The following HYCC1 variants were observed in gnomAD, a reference collection of about 807,000 sequenced individuals.
The protein encoded by HYCC1 is hyccin PI4KA lipid kinase complex subunit 1, also known as hyccin.
At chr7:22,947,362 C>A in the HYCC1 span, 1 of 743,628 alleles carries the variant, frequency 1.3e-6, no homozygotes, top group Non-Finnish European at 2.2e-6. Context: ...TGAATTAAGC[C>A]AAATATTTGC....
At chr7:22,971,794 C>T in the HYCC1 span, among the ~76,000 whole-genome samples, 1 of 151,716 alleles carries the variant, frequency 6.6e-6, no homozygotes, top group African/African-American at 2.4e-5. Flanking sequence ...TAGTAATGAG[C>T]ACTTTTCTGT....
the HYCC1 span, among the ~76,000 whole-genome samples, chr7:22,931,432 C>G: frequency 0.076 from 11,524 of 152,000 alleles, 633 homozygotes; most frequent in East Asian, 0.21. Flanking sequence ...CCATAGGAAA[C>G]TAATATAGAT....
At chr7:22,950,655 T>G in the HYCC1 span, among the ~76,000 whole-genome samples, 2 of 152,028 alleles carry the variant, frequency 1.3e-5, no homozygotes, top group South Asian at 4.2e-4. Context: ...GAAGGAGCCG[T>G]CTCTAAATGT....
chr7:22,903,832 A>G, the HYCC1 span, among the ~76,000 whole-genome samples: 1 of 152,206 alleles, frequency 6.6e-6, no homozygotes, highest in Admixed American at 6.5e-5. Flanking sequence ...ATTTTTTAAT[A>G]TCATAACCTG....
chr7:22,981,888 A>C, the HYCC1 span, among the ~76,000 whole-genome samples: 53,690 of 151,914 alleles, frequency 0.35, 9,533 homozygotes, highest in East Asian at 0.47. Flanking sequence ...TTTTTAAAAA[A>C]CTGGTCCATC....
chr7:22,913,615 G>A, the HYCC1 span, among the ~76,000 whole-genome samples: 2 of 152,268 alleles, frequency 1.3e-5, no homozygotes, highest in Non-Finnish European at 1.5e-5. Context: ...AGTCTCTGGA[G>A]CTCCCTTGTG....
the HYCC1 span, chr7:22,939,877 C>T: frequency 2.0e-5 from 3 of 152,176 alleles, no homozygotes; most frequent in African/African-American, 7.2e-5. Flanking sequence ...ATTTTAATTA[C>T]ACATATTAGC....
At chr7:22,992,629 G>T in the HYCC1 span, among the ~76,000 whole-genome samples, 1 of 151,844 alleles carries the variant, frequency 6.6e-6, no homozygotes, top group Admixed American at 6.6e-5. Flanking sequence ...AATTCTCTTT[G>T]TCTTACTGTT....
chr7:22,918,935 C>A, the HYCC1 span, among the ~76,000 whole-genome samples: 1 of 152,090 alleles, frequency 6.6e-6, no homozygotes, highest in Non-Finnish European at 1.5e-5. Context: ...GACAAGGAGA[C>A]AACAGATTTC....
the HYCC1 span, among the ~76,000 whole-genome samples, chr7:22,957,809 T>TA: frequency 1.3e-5 from 2 of 151,874 alleles, no homozygotes; most frequent in Non-Finnish European, 2.9e-5. Context: ...AAACTGAACT[T>TA]ACATTCTATA....
the HYCC1 span, among the ~76,000 whole-genome samples, chr7:22,920,622 A>G: frequency 6.6e-6 from 1 of 152,258 alleles, no homozygotes; most frequent in Non-Finnish European, 1.5e-5. Context: ...GACCAAAGGA[A>G]GTTCTTCAGG....
At chr7:22,919,095 G>A in the HYCC1 span, among the ~76,000 whole-genome samples, 1 of 152,154 alleles carries the variant, frequency 6.6e-6, no homozygotes, top group Non-Finnish European at 1.5e-5. Flanking sequence ...GACATGCAAA[G>A]AAACAGAAAC....
At chr7:23,008,151 T>C in the HYCC1 span, among the ~76,000 whole-genome samples, 50,374 of 151,970 alleles carry the variant, frequency 0.33, 8,433 homozygotes, top group East Asian at 0.36. Flanking sequence ...ATTTAGTTAC[T>C]ACAAAACACA....
At chr7:22,990,289 T>G in the HYCC1 span, among the ~76,000 whole-genome samples, 1 of 152,330 alleles carries the variant, frequency 6.6e-6, no homozygotes, top group African/African-American at 2.4e-5. Context: ...AATTTTATCT[T>G]TTCTTTGGTT....
chr7:22,955,223 TAC>T, the HYCC1 span, among the ~76,000 whole-genome samples: 2 of 151,646 alleles, frequency 1.3e-5, no homozygotes, highest in Non-Finnish European at 3.0e-5. Context: ...TTCAAAAACT[TAC>T]AGTTTTGGGA....
the HYCC1 span, among the ~76,000 whole-genome samples, chr7:22,896,188 A>G: frequency 1.3e-5 from 2 of 152,248 alleles, no homozygotes; most frequent in Non-Finnish European, 2.9e-5. Context: ...TATTCAACAC[A>G]TAGCAAGCTA....
chr7:22,976,361 A>G, the HYCC1 span: 17 of 1,258,626 alleles, frequency 1.4e-5, no homozygotes, highest in African/African-American at 2.9e-5. Flanking sequence ...GAAGTCAACT[A>G]TAATAGGGGA....
chr7:22,997,427 A>T, the HYCC1 span, among the ~76,000 whole-genome samples: 1 of 152,176 alleles, frequency 6.6e-6, no homozygotes, highest in African/African-American at 2.4e-5. Context: ...AATTTCTATA[A>T]ATGGATTGTG....
the HYCC1 span, among the ~76,000 whole-genome samples, chr7:22,958,199 C>T: frequency 4.6e-5 from 7 of 152,014 alleles, no homozygotes; most frequent in African/African-American, 7.2e-5. Flanking sequence ...CTTTCAAATT[C>T]AGCCGAACAT....
Sources: allele counts gnomAD v4.1 joint callset (sites outside exome capture counted in the v4.1 genomes callset), GRCh38; gene constraint gnomAD v4.1.1; transcripts MANE v1.5; gene names NCBI Gene and HGNC (gene_info 2026-07-23, HGNC 2026-07-21).